Variants in HECW1 observed in about 807,000 individuals in gnomAD.
HECW1 encodes HECT, C2 and WW domain containing E3 ubiquitin protein ligase 1.
A neutral mutation model predicts 182.3 loss-of-function variants in HECW1; 61 were observed. The ratio of observed to expected loss-of-function variants is 0.33; its 90% CI spans 0.27 to 0.41. The LOEUF (loss-of-function observed/expected upper bound fraction) is 0.41. HECW1 is among the 10% of genes least tolerant of loss of function. The pLI is 1.00. For missense variants in HECW1, 1,739 were observed against 2,108.9 expected (o/e 0.82, Z 3.44); for synonymous variants, 859 against 832.6 (o/e 1.03, Z -0.55).
chr7:43,425,041 A>G (rs1028977512), intron 8 of HECW1, among the ~76,000 whole-genome samples: 3 of 152,186 alleles, frequency 2.0e-5, no homozygotes, highest in Non-Finnish European at 4.4e-5. Flanking sequence ...TTAATACAGC[A>G]CAAGTCCAGT....
chr7:43,255,126 A>G (rs1327708648), intron 3 of HECW1, among the ~76,000 whole-genome samples: 2 of 152,230 alleles, frequency 1.3e-5, no homozygotes, highest in Non-Finnish European at 2.9e-5. Flanking sequence ...TAGGGCATCA[A>G]AAACTTGACA....
At chr7:43,124,298 C>A (rs567867195) in intron 2 of HECW1, among the ~76,000 whole-genome samples, 2 of 152,184 alleles carry the variant, frequency 1.3e-5, no homozygotes, top group Admixed American at 6.5e-5. Flanking sequence ...TCGCAAATAG[C>A]TTTTGAGGGA....
chr7:43,340,952 A>G (rs1812899657), intron 5 of HECW1, among the ~76,000 whole-genome samples: 1 of 151,846 alleles, frequency 6.6e-6, no homozygotes, highest in East Asian at 1.9e-4. Context: ...AATGTGGCAC[A>G]TATACACCAT....
intron 2 of HECW1, among the ~76,000 whole-genome samples, chr7:43,146,210 C>G (rs1788692393): frequency 6.6e-6 from 1 of 152,146 alleles, no homozygotes; most frequent in Admixed American, 6.5e-5. Context: ...GTTTCTCCAC[C>G]TTGGCACTAT....
chr7:43,398,757 G>GTT (rs1433981408), intron 7 of HECW1, among the ~76,000 whole-genome samples: 1 of 152,222 alleles, frequency 6.6e-6, no homozygotes, highest in Admixed American at 6.5e-5. Context: ...GGAGACCAGA[G>GTT]TTTTAGTATC....
At chr7:43,483,395 C>A (rs1777365150) in intron 17 of HECW1, among the ~76,000 whole-genome samples, 1 of 151,908 alleles carries the variant, frequency 6.6e-6, no homozygotes, top group Admixed American at 6.6e-5. Context: ...ACAGAACAGC[C>A]CCCCAGCATT....
intron 7 of HECW1, among the ~76,000 whole-genome samples, chr7:43,401,567 G>GTGTT: frequency 8.1e-6 from 1 of 123,206 alleles, no homozygotes; most frequent in African/African-American, 3.0e-5. Flanking sequence ...ATTTAAAAAG[G>GTGTT]TTTTTTTTTT....
intron 11 of HECW1, among the ~76,000 whole-genome samples, chr7:43,447,537 T>C (rs2077096271): frequency 6.6e-6 from 1 of 152,026 alleles, no homozygotes; most frequent in South Asian, 2.1e-4. Flanking sequence ...CAAGGGGAAA[T>C]AAAAAGATTC....
At chr7:43,124,111 A>G (rs1000460476) in intron 2 of HECW1, among the ~76,000 whole-genome samples, 3 of 152,194 alleles carry the variant, frequency 2.0e-5, no homozygotes, top group Non-Finnish European at 4.4e-5. Context: ...TCCTTTTTCA[A>G]GTGTTCATTT....
intron 6 of HECW1, chr7:43,377,912 C>G (rs2074392137): frequency 1.1e-5 from 2 of 188,466 alleles, no homozygotes; most frequent in South Asian, 3.9e-4. Context: ...GCTGCTCTGG[C>G]AGAACACAAA....
chr7:43,507,669 G>A (rs1205492912), intron 22 of HECW1, among the ~76,000 whole-genome samples: 1 of 152,140 alleles, frequency 6.6e-6, no homozygotes, highest in Non-Finnish European at 1.5e-5. Context: ...TAAGTAAAAT[G>A]TTGTTTATAT....
intron 2 of HECW1, among the ~76,000 whole-genome samples, chr7:43,184,648 G>T (rs1168677471): frequency 6.6e-6 from 1 of 152,172 alleles, no homozygotes; most frequent in African/African-American, 2.4e-5. Context: ...CGGGCTAAAG[G>T]TTGAGTTGAT....
At chr7:43,379,093 C>T (rs532235165) in intron 6 of HECW1, among the ~76,000 whole-genome samples, 1 of 152,216 alleles carries the variant, frequency 6.6e-6, no homozygotes, top group East Asian at 1.9e-4. Context: ...CCTCACCTGG[C>T]AAAACCCCAC....
chr7:43,167,609 A>G (rs1292860724), intron 2 of HECW1, among the ~76,000 whole-genome samples: 1 of 152,174 alleles, frequency 6.6e-6, no homozygotes, highest in Non-Finnish European at 1.5e-5. Flanking sequence ...GGCAGGTTTC[A>G]AGAAATGTGT....
At chr7:43,546,702 C>A (rs1161080375) in intron 26 of HECW1, among the ~76,000 whole-genome samples, 1 of 152,062 alleles carries the variant, frequency 6.6e-6, no homozygotes, top group Non-Finnish European at 1.5e-5. Context: ...ACTGACAGAA[C>A]CAATCCAGAA....
intron 2 of HECW1, among the ~76,000 whole-genome samples, chr7:43,221,185 G>A (rs781357627): frequency 6.6e-6 from 1 of 152,144 alleles, no homozygotes; most frequent in Non-Finnish European, 1.5e-5. Context: ...GGGCTTTAGG[G>A]CTAAGAGAGT....
chr7:43,167,495 A>ATGGG (rs1562622718), intron 2 of HECW1, among the ~76,000 whole-genome samples: 1 of 152,072 alleles, frequency 6.6e-6, no homozygotes, highest in African/African-American at 2.4e-5. Context: ...CTCCAGATGG[A>ATGGG]GGGAGGTTGG....
chr7:43,271,118 A>G (rs1368187978), intron 3 of HECW1, among the ~76,000 whole-genome samples: 1 of 152,234 alleles, frequency 6.6e-6, no homozygotes, highest in African/African-American at 2.4e-5. Context: ...GTATGTATAT[A>G]TATTTCATTC....
intron 2 of HECW1, among the ~76,000 whole-genome samples, chr7:43,161,127 T>G (rs1384715621): frequency 6.6e-6 from 1 of 152,158 alleles, no homozygotes; most frequent in South Asian, 2.1e-4. Context: ...TGGAACTGTG[T>G]GTCATGACTG....
Sources: allele counts gnomAD v4.1 joint callset (sites outside exome capture counted in the v4.1 genomes callset), GRCh38; gene constraint gnomAD v4.1.1; transcripts MANE v1.5; gene names NCBI Gene and HGNC (gene_info 2026-07-23, HGNC 2026-07-21).